Variants in TTLL13 observed in about 807,000 individuals in gnomAD.
TTLL13 encodes the protein tubulin tyrosine ligase like 13.
the TTLL13 span, chr15:90,250,602 C>A: frequency 6.2e-7 from 1 of 1,602,228 alleles, no homozygotes; most frequent in South Asian, 1.1e-5. Context: ...ACTTCATTCC[C>A]ACCCCGCAAC....
At chr15:90,258,891 G>C in the TTLL13 span, 2 of 1,614,022 alleles carry the variant, frequency 1.2e-6, no homozygotes, top group African/African-American at 2.7e-5. Context: ...GTCAAGGAAC[G>C]GCTTTTCCAG....
the TTLL13 span, among the ~76,000 whole-genome samples, chr15:90,256,581 CTTT>C: frequency 7.8e-4 from 28 of 35,690 alleles, no homozygotes; most frequent in South Asian, 6.8e-3. Flanking sequence ...TTCTTTCTTT[CTTT>C]CTTTCTTTCT....
At chr15:90,257,381 A>G in the TTLL13 span, 1 of 1,477,328 alleles carries the variant, frequency 6.8e-7, no homozygotes, top group South Asian at 1.3e-5. Flanking sequence ...CCAAAGAACA[A>G]GGAATGAAGC....
chr15:90,263,970 A>G, the TTLL13 span: 1 of 1,535,950 alleles, frequency 6.5e-7, no homozygotes, highest in Non-Finnish European at 8.7e-7. Context: ...ACTGGACAGG[A>G]GAGCCGGCAG....
At chr15:90,250,608 G>A in the TTLL13 span, 33 of 1,606,396 alleles carry the variant, frequency 2.1e-5, no homozygotes, top group East Asian at 6.7e-5. Context: ...TTCCCACCCC[G>A]CAACCCCTCA....
the TTLL13 span, among the ~76,000 whole-genome samples, chr15:90,256,581 C>T: frequency 2.8e-5 from 1 of 35,696 alleles, no homozygotes; most frequent in African/African-American, 1.1e-4. Flanking sequence ...TTCTTTCTTT[C>T]TTTCTTTCTT....
chr15:90,260,021 C>T, the TTLL13 span, among the ~76,000 whole-genome samples: 1 of 152,188 alleles, frequency 6.6e-6, no homozygotes, highest in Admixed American at 6.5e-5. Context: ...ACCGTAAGCA[C>T]TCAGATGTCT....
the TTLL13 span, chr15:90,263,329 C>A: frequency 1.7e-6 from 1 of 571,798 alleles, no homozygotes; most frequent in Non-Finnish European, 3.0e-6. Context: ...TGTTCCCAAG[C>A]TCCTTTGTTT....
chr15:90,264,697 G>A, the TTLL13 span: 2 of 1,534,060 alleles, frequency 1.3e-6, no homozygotes, highest in East Asian at 4.9e-5. Context: ...ACCAACTCAG[G>A]GACATCCATG....
At chr15:90,255,729 G>A in the TTLL13 span, 2 of 1,613,940 alleles carry the variant, frequency 1.2e-6, no homozygotes, top group Non-Finnish European at 1.7e-6. Context: ...TACTCTGGGG[G>A]CTCATACTAA....
the TTLL13 span, among the ~76,000 whole-genome samples, chr15:90,251,222 T>C: frequency 6.8e-6 from 1 of 147,564 alleles, no homozygotes; most frequent in Non-Finnish European, 1.5e-5. Flanking sequence ...CAGGCCATTC[T>C]CCTGCCTCAG....
the TTLL13 span, among the ~76,000 whole-genome samples, chr15:90,261,629 A>T: frequency 6.6e-6 from 1 of 151,726 alleles, no homozygotes. Flanking sequence ...AAAATACAAA[A>T]ATTGGCCAGG....
At chr15:90,251,499 G>A in the TTLL13 span, 1 of 1,516,110 alleles carries the variant, frequency 6.6e-7, no homozygotes, top group South Asian at 1.1e-5. Context: ...CTTTTCATCT[G>A]AGTACCTGTC....
At chr15:90,252,215 T>C in the TTLL13 span, among the ~76,000 whole-genome samples, 1 of 152,070 alleles carries the variant, frequency 6.6e-6, no homozygotes, top group African/African-American at 2.4e-5. Flanking sequence ...AATTTTGTAC[T>C]TTTAGTAGAC....
the TTLL13 span, chr15:90,257,315 T>C: frequency 1.9e-6 from 3 of 1,588,532 alleles, no homozygotes; most frequent in Admixed American, 5.6e-5. Context: ...TCTTTTCCAC[T>C]GCCAAAAGTG....
the TTLL13 span, chr15:90,256,397 C>G: frequency 6.9e-7 from 1 of 1,451,980 alleles, no homozygotes; most frequent in African/African-American, 1.4e-5. Context: ...TAGGCTTCTA[C>G]CCTTCCCACT....
At chr15:90,258,164 C>T in the TTLL13 span, 8 of 1,614,252 alleles carry the variant, frequency 5.0e-6, no homozygotes, top group Middle Eastern at 8.2e-4. Context: ...GCCACAACTA[C>T]CGAACCTGTT....
chr15:90,256,338 A>T, the TTLL13 span: 1 of 1,612,244 alleles, frequency 6.2e-7, no homozygotes. Flanking sequence ...CCTAGTCCCC[A>T]GCACTGGGCT....
the TTLL13 span, chr15:90,259,163 C>T: frequency 1.3e-6 from 1 of 764,024 alleles, no homozygotes; most frequent in Non-Finnish European, 1.9e-6. Flanking sequence ...TAGAGTTCAA[C>T]ACCAGACTGG....
Sources: allele counts gnomAD v4.1 joint callset (sites outside exome capture counted in the v4.1 genomes callset), GRCh38; gene constraint gnomAD v4.1.1; transcripts MANE v1.5; gene names NCBI Gene and HGNC (gene_info 2026-07-23, HGNC 2026-07-21).